The following TGS1 variants were observed in gnomAD, a reference collection of about 807,000 sequenced individuals.
The protein encoded by TGS1 is trimethylguanosine synthase 1.
A neutral mutation model predicts 92.2 loss-of-function variants in TGS1; 69 were observed. The observed-to-expected ratio is 0.75, with a 90% CI of 0.62 to 0.91. The LOEUF is 0.91. TGS1 is among the 40% of genes least tolerant of loss of function. The pLI is 0.00. For synonymous variants in TGS1, 345 were observed against 338.1 expected (o/e 1.02, Z -0.22); for missense variants, 1,062 against 1,001.2 (o/e 1.06, Z -0.82).
chr8:55,788,160 A>T (rs1375685931), intron 4 of TGS1, among the ~76,000 whole-genome samples: 1 of 152,258 alleles, frequency 6.6e-6, no homozygotes, highest in Non-Finnish European at 1.5e-5. Context: ...AATTTCTGTG[A>T]CATCTGCATA....
intron 1 of TGS1, 28 bp downstream of exon 1, chr8:55,773,747 T>C (rs1337786172): frequency 6.4e-7 from 1 of 1,560,272 alleles, no homozygotes; most frequent in Non-Finnish European, 8.8e-7. Flanking sequence ...TCTCTTCATG[T>C]TCTAGCACAG....
rs1803589572 is a variant in TGS1, at chr8:55,820,036, A to G, written c.2440-4545A>G. 2.6e-5 allele frequency among the ~76,000 whole-genome samples: 4 copies of G among 152,214 alleles called. No individual in the cohort carries two copies. In the South Asian group the frequency reaches 8.3e-4, roughly 32 times the overall value. ...CTCTTTATTTTTACCTGGTACAATTATCTTCTAACCACATTTCTGCGTATC... is the reference window on the plus strand; with the variant it reads ...CTCTTTATTTTTACCTGGTACAATTGTCTTCTAACCACATTTCTGCGTATC... On this transcript the variant is annotated intron_variant, in intron 12 of 12. Transcript: ENST00000260129.
At chr8:55,778,712 T>A (rs1811470804) in intron 1 of TGS1, among the ~76,000 whole-genome samples, 1 of 152,248 alleles carries the variant, frequency 6.6e-6, no homozygotes, top group Non-Finnish European at 1.5e-5. Flanking sequence ...CACATATTAT[T>A]TCTGTGATCC....
chr8:55,790,232 A>G lies in TGS1; in HGVS notation c.1213A>G (p.Ser405Gly). 6.2e-7 allele frequency: 1 copy of G among 1,614,124 alleles called. No individual in the cohort carries two copies. Among genetic ancestry groups the G allele is most frequent in the Admixed American group, 1.7e-5 (1 of 60,022 alleles). ...CACAAGCAAAGACAGACCACATGCC[A>G]GTGGTACTGATGGAGATGAAAGTGA... ...ANTSKDRPHA[S>G]GTDGDESEED... Residue 405 changes from serine (S) to glycine (G), a missense_variant, in exon 5 of 13, where the codon AGT becomes GGT. Coordinates refer to ENST00000260129, the MANE Select transcript of TGS1 (RefSeq NM_024831.8).
intron 4 of TGS1, among the ~76,000 whole-genome samples, chr8:55,788,697 C>T (rs1164262925): frequency 2.0e-5 from 3 of 152,136 alleles, no homozygotes; most frequent in African/African-American, 7.2e-5. Flanking sequence ...CTCCTGACCT[C>T]AAGTGATCCT....
At chr8:55,793,671 G>C (rs183431372) in intron 6 of TGS1, among the ~76,000 whole-genome samples, 160 of 152,126 alleles carry the variant, frequency 1.1e-3, no homozygotes, top group African/African-American at 3.7e-3. Context: ...GGGTTCAAGT[G>C]ATTCTCCTGC....
rs1298676375 is a variant in TGS1, at chr8:55,786,496, A to G, written c.598A>G (p.Lys200Glu). ...GCTAGAAATTACAGAGAAATGGGAA[A>G]AGTATTGGAATGAATATGGAGGAGG... is the stretch of plus-strand genomic sequence containing the variant. ...PKLEITEKWEKYWNEYGGGLL... is the reference protein window; with the variant it reads ...PKLEITEKWEEYWNEYGGGLL... Residue 200 changes from lysine to glutamate, a missense_variant, in exon 4 of 13, where the codon AAG becomes GAG. Transcript: ENST00000260129. 1 of 1,614,144 alleles carries G rather than the reference A, an allele frequency of 6.2e-7. No homozygotes were observed. Among genetic ancestry groups the G allele is most frequent in the Non-Finnish European group, 8.5e-7 (1 of 1,180,016 alleles).
intron 12 of TGS1, among the ~76,000 whole-genome samples, chr8:55,813,831 T>C (rs1803400364): frequency 6.6e-6 from 1 of 152,232 alleles, no homozygotes; most frequent in Non-Finnish European, 1.5e-5. Context: ...CTCTATCAGG[T>C]TTTCCAACTC....
At chr8:55,817,882 A>G (rs1486630739) in intron 12 of TGS1, among the ~76,000 whole-genome samples, 1 of 152,216 alleles carries the variant, frequency 6.6e-6, no homozygotes, top group Non-Finnish European at 1.5e-5. Context: ...CCCTGCATTC[A>G]TACACTATAC....
Position 55,776,371 on chromosome 8 carries a change from C to A in TGS1, c.101+2652C>A, listed in dbSNP as rs13253511. On this transcript the variant is annotated intron_variant, in intron 1 of 12. Transcript: ENST00000260129. ...TCTCTGCTCACTGCAAGCTCCACCC[C>A]CTGGGTTCACGCCATTCTCCTGCCT... Among the ~76,000 whole-genome samples the A allele has an allele frequency of 6.2e-3, 939 of 151,124 alleles. 7 individuals are homozygous for A. Among genetic ancestry groups the A allele is most frequent in the Middle Eastern group, 0.014 (4 of 294 alleles).
intron 12 of TGS1, among the ~76,000 whole-genome samples, chr8:55,818,746 C>T (rs1032660484): frequency 3.3e-5 from 5 of 152,184 alleles, no homozygotes; most frequent in African/African-American, 1.2e-4. Context: ...GGTAACTTTT[C>T]TCCGTAAATG....
intron 6 of TGS1, 97 bp downstream of exon 6, chr8:55,792,881 G>T: frequency 1.3e-6 from 1 of 757,178 alleles, no homozygotes; most frequent in Admixed American, 2.2e-5. Context: ...ATGATCATGT[G>T]TTGAGATGTT....
chr8:55,788,949 A>G (rs1465519842), intron 4 of TGS1, among the ~76,000 whole-genome samples: 1 of 152,144 alleles, frequency 6.6e-6, no homozygotes, highest in Non-Finnish European at 1.5e-5. Context: ...TTTGGCAGAC[A>G]CAGTAAGTCT....
chr8:55,792,452 T>G lies in TGS1; in HGVS notation c.1281-246T>G, dbSNP rs145335716. 1.1e-4 allele frequency among the ~76,000 whole-genome samples: 16 copies of G among 152,298 alleles called. No homozygotes were observed. The East Asian group carries it at 2.3e-3, about 22-fold the overall frequency. ...TTTGTACCATACCTAGGAATAGAAA[T>G]CATTACTTGACATGAATTAAGACTG... is the stretch of plus-strand genomic sequence containing the variant. On this transcript the variant is annotated intron_variant, in intron 5 of 12. Coordinates refer to ENST00000260129, the MANE Select transcript of TGS1 (RefSeq NM_024831.8).
chr8:55,773,749 C>G (rs192150189), intron 1 of TGS1, 30 bp downstream of exon 1: 70 of 1,548,216 alleles, frequency 4.5e-5, no homozygotes, highest in Non-Finnish European at 5.8e-5. Context: ...TCTTCATGTT[C>G]TAGCACAGTC....
chr8:55,790,163 A>G lies in TGS1; in HGVS notation c.1163-19A>G. 1.3e-6 allele frequency: 2 copies of G among 1,583,624 alleles called. No homozygotes were observed. Among genetic ancestry groups the G allele is most frequent in the Non-Finnish European group, 1.7e-6 (2 of 1,154,220 alleles). On this transcript the variant is annotated intron_variant, in intron 4 of 12. Coordinates refer to ENST00000260129, the MANE Select transcript of TGS1 (RefSeq NM_024831.8). The stretch of plus-strand genomic sequence containing the variant: ...CAAACCAAGGGGGAAAAGCTACTGC[A>G]ATATTTCTGCCTCTTTAGATTCACA...
intron 6 of TGS1, among the ~76,000 whole-genome samples, chr8:55,793,731 C>CT (rs1243129027): frequency 4.9e-5 from 7 of 143,164 alleles, no homozygotes; most frequent in South Asian, 2.2e-4. Context: ...CCATGCCCTG[C>CT]TAATTTATTT....
chr8:55,811,850 G>A (rs528321291), intron 11 of TGS1, among the ~76,000 whole-genome samples: 1 of 152,236 alleles, frequency 6.6e-6, no homozygotes, highest in South Asian at 2.1e-4. Context: ...ATAAAAAGCA[G>A]GTATGTAAAA....
chr8:55,810,810 G>A (rs1332212256), intron 10 of TGS1, 71 bp from the exon 11 acceptor site: 10 of 1,311,568 alleles, frequency 7.6e-6, no homozygotes, highest in African/African-American at 2.9e-5. Flanking sequence ...CAGACTATTC[G>A]AAAGACAAAC....
Sources: gnomAD v4.1 joint callset for allele counts (sites outside exome capture counted in the v4.1 genomes callset) on GRCh38, gnomAD v4.1.1 for gene constraint, MANE v1.5 for transcripts, NCBI Gene and HGNC (gene_info 2026-07-23, HGNC 2026-07-21) for gene names.